Variants in POU6F2 observed in about 807,000 individuals in gnomAD.
POU6F2 encodes POU domain, class 6, transcription factor 2.
In POU6F2, 31 loss-of-function variants were observed where a neutral mutation model predicts 71.3. That is an observed-to-expected ratio of 0.43 (90% CI 0.33 to 0.59). The LOEUF (loss-of-function observed/expected upper bound fraction) is 0.59, where lower values mean the gene tolerates loss of function less well. Among genes scored for constraint, POU6F2 ranks in the 20% least tolerant of loss-of-function variants. The pLI, the probability that POU6F2 is intolerant of heterozygous loss-of-function variation, is 0.04. For synonymous variants in POU6F2, 347 were observed against 355.7 expected, an observed-to-expected ratio of 0.98 and a Z score of 0.27; for missense variants, 783 against 856.8, an observed-to-expected ratio of 0.91 and a Z score of 1.07.
chr7:39,379,672 G>A (rs111487275), intron 5 of POU6F2, among the ~76,000 whole-genome samples: 1,582 of 152,080 alleles, frequency 0.01, 18 homozygotes, highest in African/African-American at 0.037. Context: ...GATTACTATC[G>A]TTCTCCTTTT....
At chr7:38,990,686 A>G (rs1042804863) in intron 1 of POU6F2, among the ~76,000 whole-genome samples, 1 of 152,124 alleles carries the variant, frequency 6.6e-6, no homozygotes, top group Non-Finnish European at 1.5e-5. Flanking sequence ...AGCCTGTAAT[A>G]TAATATATCT....
At chr7:39,211,240 C>G (rs1010528339) in intron 4 of POU6F2, among the ~76,000 whole-genome samples, 3 of 151,740 alleles carry the variant, frequency 2.0e-5, no homozygotes, top group Non-Finnish European at 4.4e-5. Flanking sequence ...ATGGCATCCC[C>G]CAATATCACC....
intron 1 of POU6F2, chr7:39,001,981 A>AT (rs1788928697): frequency 6.6e-6 from 1 of 152,246 alleles, no homozygotes; most frequent in Non-Finnish European, 1.5e-5. Context: ...GGTAATGTTG[A>AT]TTATAAGCCA....
intron 1 of POU6F2, among the ~76,000 whole-genome samples, chr7:39,041,367 AG>A (rs1790190520): frequency 6.6e-6 from 1 of 151,940 alleles, no homozygotes; most frequent in African/African-American, 2.4e-5. Flanking sequence ...TTAGAAGTGG[AG>A]GTTCGTTGGT....
chr7:39,227,916 A>G (rs1012296882), intron 4 of POU6F2, among the ~76,000 whole-genome samples: 1 of 152,124 alleles, frequency 6.6e-6, no homozygotes, highest in Admixed American at 6.5e-5. Flanking sequence ...GGTTGAGACC[A>G]CAGCTCTGTA....
At chr7:39,341,977 A>G (rs1486975706) in intron 5 of POU6F2, among the ~76,000 whole-genome samples, 1 of 152,236 alleles carries the variant, frequency 6.6e-6, no homozygotes, top group Non-Finnish European at 1.5e-5. Context: ...TTTTGCAACA[A>G]ATGAAGGCTC....
At chr7:39,132,786 G>A (rs1386612836) in intron 2 of POU6F2, 3 of 152,254 alleles carry the variant, frequency 2.0e-5, no homozygotes, top group African/African-American at 7.2e-5. Context: ...AAAGGAACAT[G>A]AGAATTATTT....
intron 5 of POU6F2, among the ~76,000 whole-genome samples, chr7:39,401,333 G>A (rs1366293690): frequency 6.6e-6 from 1 of 152,174 alleles, no homozygotes; most frequent in African/African-American, 2.4e-5. Flanking sequence ...GGCAGACAGT[G>A]AGCAGCAAAT....
chr7:39,329,273 T>TA (rs1785585748), intron 4 of POU6F2: 1 of 148,356 alleles, frequency 6.7e-6, no homozygotes, highest in Non-Finnish European at 1.5e-5. Context: ...TAATAATATA[T>TA]TATTATTATA....
At chr7:39,390,113 T>C (rs1156567688) in intron 5 of POU6F2, among the ~76,000 whole-genome samples, 1 of 152,128 alleles carries the variant, frequency 6.6e-6, no homozygotes, top group Admixed American at 6.5e-5. Flanking sequence ...TTTCAATTAA[T>C]AGCTGGGTGC....
At chr7:39,115,000 A>G (rs1455081465) in intron 2 of POU6F2, among the ~76,000 whole-genome samples, 2 of 152,226 alleles carry the variant, frequency 1.3e-5, no homozygotes, top group African/African-American at 4.8e-5. Flanking sequence ...GCCTATTACT[A>G]GTTAAAATAT....
rs201370310 is a variant in POU6F2, at chr7:39,045,545, GT to G, written c.106-40304del. ...ACATTGGGATGAGGCTCTTTAGCTT[GT>G]TTTTTTTTTTAATCTTTATTGAGGC... On this transcript the variant is annotated intron_variant, in intron 1 of 9. Transcript: ENST00000518318. Among the ~76,000 whole-genome samples, 1,060 of 143,178 alleles carry G rather than the reference GT, an allele frequency of 7.4e-3. 16 individuals are homozygous for G. The highest frequency in any genetic ancestry group is 0.05 in the South Asian group (228 of 4,542). The allele number at this position is 143,178 out of a possible 152,430, so 93.9% of individuals were successfully genotyped here. A position where few individuals can be genotyped will look rare whatever the true frequency, so the allele number is the denominator to read the frequency against.
chr7:39,310,814 C>T (rs558797763), intron 4 of POU6F2, among the ~76,000 whole-genome samples: 3 of 152,278 alleles, frequency 2.0e-5, no homozygotes, highest in East Asian at 3.9e-4. Context: ...GGTGAAGTCC[C>T]CTGCCTTGCC....
At chr7:39,083,404 A>G (rs1791167316) in intron 1 of POU6F2, among the ~76,000 whole-genome samples, 2 of 152,156 alleles carry the variant, frequency 1.3e-5, no homozygotes, top group Admixed American at 1.3e-4. Flanking sequence ...AAGTAAAAAG[A>G]GTGGACTAGA....
intron 2 of POU6F2, among the ~76,000 whole-genome samples, chr7:39,135,951 A>G (rs1792380207): frequency 6.6e-6 from 1 of 152,240 alleles, no homozygotes; most frequent in Non-Finnish European, 1.5e-5. Flanking sequence ...CAGGATAAAT[A>G]TACAAGAACC....
chr7:39,184,793 T>G (rs1793499360), intron 2 of POU6F2, among the ~76,000 whole-genome samples: 1 of 152,176 alleles, frequency 6.6e-6, no homozygotes, highest in African/African-American at 2.4e-5. Flanking sequence ...AATGGTTTTC[T>G]TTTTCCCTTT....
At chr7:39,012,178 G>A (rs1490361402) in intron 1 of POU6F2, among the ~76,000 whole-genome samples, 1 of 151,154 alleles carries the variant, frequency 6.6e-6, no homozygotes, top group African/African-American at 2.4e-5. Flanking sequence ...ACGTAGATTT[G>A]GTCTTTTCAC....
At chr7:39,296,688 C>A (rs73382963) in intron 4 of POU6F2, among the ~76,000 whole-genome samples, 3,440 of 152,286 alleles carry the variant, frequency 0.023, 81 homozygotes, top group South Asian at 0.07. Flanking sequence ...GGGAAGCCAC[C>A]CTCCTGCCAG....
chr7:39,050,674 G>T (rs866467293), intron 1 of POU6F2, among the ~76,000 whole-genome samples: 2 of 152,080 alleles, frequency 1.3e-5, no homozygotes, highest in Non-Finnish European at 1.5e-5. Context: ...CTCTGCTGGG[G>T]ATGGGATTGT....
Sources: allele counts gnomAD v4.1 joint callset (sites outside exome capture counted in the v4.1 genomes callset), GRCh38; gene constraint gnomAD v4.1.1; transcripts MANE v1.5; gene names NCBI Gene and HGNC (gene_info 2026-07-23, HGNC 2026-07-21).